PADI6: variants seen among roughly 807,000 people sequenced by gnomAD.
PADI6 encodes the protein inactive protein-arginine deiminase type-6.
PADI6 carries 66 observed loss-of-function variants against 78.2 expected under a neutral mutation model. The ratio of observed to expected loss-of-function variants is 0.84; its 90% CI spans 0.69 to 1.04. The LOEUF (loss-of-function observed/expected upper bound fraction) is 1.04. Ranked by LOEUF, PADI6 falls within the 50% of genes least tolerant of loss-of-function variation. The probability of loss-of-function intolerance (pLI) is 0.00; values close to 1 mark genes in which losing one functional copy is unlikely to be tolerated. For missense variants in PADI6, 854 were observed against 866.1 expected, an observed-to-expected ratio of 0.99 and a Z score of 0.18; for synonymous variants, 397 against 346.9, an observed-to-expected ratio of 1.14 and a Z score of -1.60.
chr1:17,384,114 G>C (rs375935571), intron 6 of PADI6, among the ~76,000 whole-genome samples: 3 of 152,132 alleles, frequency 2.0e-5, no homozygotes, highest in East Asian at 3.9e-4. Flanking sequence ...CTGCACTCCA[G>C]CCTAGGTGAC....
In PADI6 at chr1:17,379,111, A is replaced by ATTTTTTTTTTTTTTTTTTTTT. The variant is rs144547124; in HGVS notation, c.368-808_368-788dup. ...AGGTACCCTCCACCATGCCCAGTTA[A>ATTTTTTTTTTTTTTTTTTTTT]TTTTTTTTTTTTTTTTTTTTTAAGA... On this transcript the variant is annotated intron_variant, in intron 3 of 15. Transcript: ENST00000619609. 2.2e-4 allele frequency among the ~76,000 whole-genome samples: 22 copies of ATTTTTTTTTTTTTTTTTTTTT among 100,806 alleles called. 1 individual carries two copies. Among genetic ancestry groups the ATTTTTTTTTTTTTTTTTTTTT allele is most frequent in the African/African-American group, 9.8e-4 (17 of 17,326 alleles). 66.1% of individuals were successfully genotyped at this position (100,806 alleles called of 152,430 possible). A position where few individuals can be genotyped will look rare whatever the true frequency, so the allele number is the denominator to read the frequency against.
At chr1:17,391,028 G>A (rs2075177559) in intron 8 of PADI6, among the ~76,000 whole-genome samples, 1 of 152,126 alleles carries the variant, frequency 6.6e-6, no homozygotes, top group Non-Finnish European at 1.5e-5. Flanking sequence ...CCAAGAAATA[G>A]GTTCTTTGGA....
intron 6 of PADI6, among the ~76,000 whole-genome samples, chr1:17,383,154 C>A (rs535163597): frequency 4.6e-5 from 7 of 152,356 alleles, no homozygotes; most frequent in African/African-American, 1.7e-4. Flanking sequence ...GTGGTCTATA[C>A]TGTGCCTCTT....
At chr1:17,385,076 C>T (rs769339884) in intron 6 of PADI6, among the ~76,000 whole-genome samples, 1 of 152,090 alleles carries the variant, frequency 6.6e-6, no homozygotes, top group Non-Finnish European at 1.5e-5. Context: ...AGGTTCTAAA[C>T]AGGCTGGGCG....
In PADI6 at chr1:17,383,842, TA is replaced by T. The variant is rs545891415; in HGVS notation, c.679+1757del. Among the ~76,000 whole-genome samples the T allele has an allele frequency of 5.3e-3, 798 of 151,512 alleles. 5 individuals are homozygous for T. The highest frequency in any genetic ancestry group is 9.5e-3 in the Admixed American group (144 of 15,208). On this transcript the variant is annotated intron_variant, in intron 6 of 15. Transcript: ENST00000619609. ...GTGAGACTCAAAAAAATAATTTTTT[TA>T]AAAAAACTTATTCAACAATCTAGGG... is the stretch of plus-strand genomic sequence containing the variant.
intron 14 of PADI6, 89 bp downstream of exon 14, chr1:17,397,230 T>TGGGTG: frequency 6.8e-7 from 1 of 1,464,962 alleles, no homozygotes; most frequent in Non-Finnish European, 9.5e-7. Context: ...TCCTGAGGGG[T>TGGGTG]GAAGTGTTGG....
chr1:17,391,531 C>T (rs1167097585), intron 8 of PADI6, among the ~76,000 whole-genome samples: 5 of 152,196 alleles, frequency 3.3e-5, no homozygotes, highest in Non-Finnish European at 5.9e-5. Flanking sequence ...GATGAGTGGT[C>T]TTAACATCAG....
intron 6 of PADI6, among the ~76,000 whole-genome samples, chr1:17,383,935 G>A (rs903903198): frequency 2.0e-5 from 3 of 152,122 alleles, no homozygotes; most frequent in Admixed American, 6.6e-5. Context: ...GATCACCTGA[G>A]GTCAGGAGTT....
intron 6 of PADI6, among the ~76,000 whole-genome samples, chr1:17,387,676 A>G (rs2075135142): frequency 6.6e-6 from 1 of 152,220 alleles, no homozygotes; most frequent in African/African-American, 2.4e-5. Flanking sequence ...GCCAGAATCC[A>G]GGAGGCAAAG....
Position 17,373,227 on chromosome 1 carries a change from G to A in PADI6, c.288G>A (p.Ala96=), listed in dbSNP as rs566088621. 23 of 1,613,858 alleles carry A rather than the reference G, an allele frequency of 1.4e-5. No homozygotes were observed. The highest frequency in any genetic ancestry group is 7.7e-5 in the South Asian group (7 of 91,076). The stretch of plus-strand genomic sequence containing the variant: ...CATCGCCCAGCCCTTCCGTGGATGC[G>A]GATAAGGTAAGCCTCAGGGGAAGAG... The part of the protein sequence containing the change: ...KMTSPSPSVD[A]DKVSVTYYGP... Residue 96 remains alanine (A), a synonymous_variant, in exon 2 of 16, where the codon GCG becomes GCA. Transcript: ENST00000619609.
intron 6 of PADI6, among the ~76,000 whole-genome samples, chr1:17,383,261 C>T (rs557544749): frequency 6.6e-6 from 1 of 152,352 alleles, no homozygotes; most frequent in Admixed American, 6.5e-5. Context: ...CCTACTCCAT[C>T]TCTTCTGCAG....
chr1:17,398,649 C>CAA, intron 14 of PADI6, 37 bp from the exon 15 acceptor site: 1 of 91,312 alleles, frequency 1.1e-5, no homozygotes, highest in South Asian at 2.2e-4. Context: ...TCTCCTTGCT[C>CAA]CCCCGCCCCC....
At chr1:17,386,849 A>G (rs2075124509) in intron 6 of PADI6, among the ~76,000 whole-genome samples, 1 of 152,176 alleles carries the variant, frequency 6.6e-6, no homozygotes, top group Admixed American at 6.5e-5. Flanking sequence ...GTGCCTAACC[A>G]GGGGCAGCCA....
At chr1:17,380,142 C>A (rs574101485) in intron 4 of PADI6, among the ~76,000 whole-genome samples, 155 bp downstream of exon 4, 1 of 152,102 alleles carries the variant, frequency 6.6e-6, no homozygotes, top group African/African-American at 2.4e-5. Flanking sequence ...CAAACTGTCA[C>A]GGTACAAGTC....
chr1:17,388,354 C>A, intron 6 of PADI6, 27 bp from the exon 7 acceptor site: 1 of 1,582,048 alleles, frequency 6.3e-7, no homozygotes, highest in Non-Finnish European at 8.6e-7. Context: ...ACTTCAGTGG[C>A]TGGTCCATCC....
At chr1:17,373,266 C>T (rs2074981831) in intron 2 of PADI6, 33 bp downstream of exon 2, 1 of 1,607,206 alleles carries the variant, frequency 6.2e-7, no homozygotes, top group Admixed American at 1.7e-5. Context: ...AGGGGCATCT[C>T]CCGGGGTGGG....
intron 2 of PADI6, among the ~76,000 whole-genome samples, chr1:17,373,584 C>T (rs937402450): frequency 6.6e-5 from 10 of 151,940 alleles, no homozygotes; most frequent in East Asian, 1.9e-4. Flanking sequence ...CTCCACTTCC[C>T]GGGTTCAAGC....
intron 6 of PADI6, among the ~76,000 whole-genome samples, chr1:17,383,503 T>G (rs1269364120): frequency 6.6e-6 from 1 of 152,226 alleles, no homozygotes; most frequent in Non-Finnish European, 1.5e-5. Context: ...TTGCTAAGGA[T>G]GCCATACTTC....
intron 6 of PADI6, among the ~76,000 whole-genome samples, chr1:17,386,477 G>A (rs894636913): frequency 6.6e-5 from 10 of 152,214 alleles, no homozygotes; most frequent in Non-Finnish European, 1.3e-4. Flanking sequence ...ACAGGAGCAG[G>A]CCCTAGGTGT....
Sources: allele counts gnomAD v4.1 joint callset (sites outside exome capture counted in the v4.1 genomes callset), GRCh38; gene constraint gnomAD v4.1.1; transcripts MANE v1.5; gene names NCBI Gene and HGNC (gene_info 2026-07-23, HGNC 2026-07-21).